Variants in KRT4 observed in about 807,000 individuals in gnomAD.
KRT4 encodes keratin, type II cytoskeletal 4.
In KRT4, 47 loss-of-function variants were observed where a neutral mutation model predicts 50.6. That is an observed-to-expected ratio of 0.93 (90% CI 0.73 to 1.18). The LOEUF (loss-of-function observed/expected upper bound fraction) is 1.18. Ranked by LOEUF, KRT4 falls within the 50% of genes most tolerant of loss-of-function variation. KRT4 has a pLI of 0.00. For synonymous variants in KRT4, 254 were observed against 251.2 expected (o/e 1.01, Z -0.10); for missense variants, 651 against 645.7 (o/e 1.01, Z -0.09).
At chr12:52,810,615 T>G in intron 3 of KRT4, 141 bp downstream of exon 3, 2 of 734,654 alleles carry the variant, frequency 2.7e-6, no homozygotes, top group Non-Finnish European at 4.9e-6. Flanking sequence ...TTACCCACTT[T>G]CCTTGACTAT....
chr12:52,808,212 T>C lies in KRT4; in HGVS notation c.1125+82A>G, dbSNP rs926497624. 8.4e-6 allele frequency: 13 copies of C among 1,551,558 alleles called. No homozygotes were observed. In the Admixed American group the frequency reaches 1.0e-4, roughly 12 times the overall value. On this transcript the variant is annotated intron_variant, in intron 6 of 8. Transcript: ENST00000551956. Reference sequence around the variant, plus strand: ...ACAAGCTCAGGGTCTTCTGGCCTGATGCTTTATCTGCTTGTCCACTCTGGA... The same window carrying C: ...ACAAGCTCAGGGTCTTCTGGCCTGACGCTTTATCTGCTTGTCCACTCTGGA...
In KRT4 at chr12:52,807,126, G is replaced by T; in HGVS notation, c.1506C>A (p.Val502=). The change falls in exon 9 of 9, where the codon GTC becomes GTA. Residue 502 remains valine, a synonymous_variant. Transcript: ENST00000551956. ...TGATCTTGCTGCTGGAACTGCCAGA[G>T]ACACTGCCACCAAACCCAAAGCCAC... ...SGSGFGFGGS[V]SGSSSSKIIS... 6.2e-7 allele frequency: 1 copy of T among 1,614,132 alleles called. No homozygotes were observed. The highest frequency in any genetic ancestry group is 8.5e-7 in the Non-Finnish European group (1 of 1,180,020).
chr12:52,808,595 A>T lies in KRT4; in HGVS notation c.999+91T>A, dbSNP rs184731758. 1.1e-5 allele frequency: 16 copies of T among 1,520,708 alleles called. No homozygotes were observed. In the African/African-American group the frequency reaches 1.8e-4, roughly 17 times the overall value. 94.2% of individuals were successfully genotyped at this position (1,520,708 alleles called of 1,614,324 possible). ...GAGAGTCTGTTCATATCTGACTTCTATTGGGCTTGAGCTAATGATCACCTG... is the reference window on the plus strand; with the variant it reads ...GAGAGTCTGTTCATATCTGACTTCTTTTGGGCTTGAGCTAATGATCACCTG... On this transcript the variant is annotated intron_variant, in intron 5 of 8. Coordinates refer to ENST00000551956, the MANE Select transcript of KRT4 (RefSeq NM_002272.4).
intron 3 of KRT4, 82 bp from the exon 4 acceptor site, chr12:52,809,560 T>TCAC: frequency 2.1e-6 from 2 of 963,828 alleles, no homozygotes; most frequent in Non-Finnish European, 3.4e-6. Flanking sequence ...CCGACAGGTG[T>TCAC]TCTCAGCAGC....
In KRT4 at chr12:52,807,128, C is replaced by T; in HGVS notation, c.1504G>A (p.Val502Ile). The T allele has an allele frequency of 1.2e-6, 2 of 1,614,170 alleles. No homozygotes were observed. Among genetic ancestry groups the T allele is most frequent in the African/African-American group, 1.3e-5 (1 of 75,028 alleles). ...SGSGFGFGGS[V>I]SGSSSSKIIS... ...ATCTTGCTGCTGGAACTGCCAGAGA[C>T]ACTGCCACCAAACCCAAAGCCACTT... is the stretch of plus-strand genomic sequence containing the variant. The change falls in exon 9 of 9, where the codon GTC becomes ATC. Residue 502 changes from valine (V) to isoleucine (I), a missense_variant. Physicochemically the swap from Val to Ile is conservative, Grantham distance 29 (BLOSUM62 3). Transcript: ENST00000551956.
intron 4 of KRT4, 80 bp downstream of exon 4, chr12:52,809,303 A>G (rs1350389356): frequency 1.8e-6 from 2 of 1,135,666 alleles, no homozygotes; most frequent in South Asian, 2.5e-5. Context: ...AGTCCTTTCA[A>G]AAAACTGTGA....
In KRT4 at chr12:52,813,768, A is replaced by G. The variant is rs768993119; in HGVS notation, c.291T>C (p.Gly97=). 3.1e-6 allele frequency: 5 copies of G among 1,614,276 alleles called. No homozygotes were observed. In the Admixed American group the frequency reaches 8.3e-5, roughly 27 times the overall value. The part of the protein sequence containing the change: ...GGFGGSFSGK[G]GPGFPVCPAG... ...CGGGGCAGACGGGGAAGCCAGGGCCACCCTTACCACTGAAGGAGCCCCCAA... is the reference window on the plus strand; with the variant it reads ...CGGGGCAGACGGGGAAGCCAGGGCCGCCCTTACCACTGAAGGAGCCCCCAA... The change falls in exon 1 of 9, where the codon GGT becomes GGC. Residue 97 remains glycine (G), a synonymous_variant. Transcript: ENST00000551956.
Position 52,807,688 on chromosome 12 carries a change from G to A in KRT4, c.1302C>T (p.Ile434=), listed in dbSNP as rs374741881. Residue 434 remains isoleucine, a synonymous_variant, in exon 7 of 9, where the codon ATC becomes ATT. Transcript: ENST00000551956. ...ELMSVKLALD[I]EIATYRKLLE... is the part of the protein sequence containing the mutation. ...GCAGTTTGCGGTAGGTGGCGATCTC[G>A]ATGTCCAAGGCCAGCTTCACACTCA... The A allele has an allele frequency of 3.0e-5, 49 of 1,613,974 alleles. No individual in the cohort carries two copies. The highest frequency in any genetic ancestry group is 3.5e-5 in the Non-Finnish European group (41 of 1,180,022).
intron 5 of KRT4, 66 bp downstream of exon 5, chr12:52,808,620 G>T: frequency 6.4e-7 from 1 of 1,568,684 alleles, no homozygotes; most frequent in Non-Finnish European, 8.8e-7. Flanking sequence ...ATGATCACCT[G>T]TTCACAGACA....
intron 7 of KRT4, 113 bp downstream of exon 7, chr12:52,807,531 G>C (rs987706820): frequency 6.7e-7 from 1 of 1,485,734 alleles, no homozygotes; most frequent in East Asian, 2.3e-5. Context: ...GAGCTGTCCT[G>C]GTTCGTAATG....
chr12:52,809,551 C>A (rs556224454), intron 3 of KRT4, 73 bp from the exon 4 acceptor site: 3 of 1,046,260 alleles, frequency 2.9e-6, no homozygotes, highest in Non-Finnish European at 3.0e-6. Flanking sequence ...TAAGTGACAC[C>A]GACAGGTGTT....
chr12:52,812,106 A>G (rs956270201), intron 1 of KRT4, 129 bp from the exon 2 acceptor site: 4 of 729,206 alleles, frequency 5.5e-6, no homozygotes, highest in African/African-American at 3.5e-5. Flanking sequence ...TAGGGCCACT[A>G]TGTTGCATCT....
chr12:52,811,019 G>C (rs998438301), intron 2 of KRT4: 7 of 572,774 alleles, frequency 1.2e-5, no homozygotes, highest in Non-Finnish European at 1.9e-5. Flanking sequence ...GGTTTATTCA[G>C]ATACATGAAA....
At chr12:52,810,691 C>T in intron 3 of KRT4, 65 bp downstream of exon 3, 2 of 1,367,534 alleles carry the variant, frequency 1.5e-6, no homozygotes, top group Admixed American at 1.7e-5. Flanking sequence ...ATGACTTCAG[C>T]CAAAGACCAC....
Position 52,812,426 on chromosome 12 carries a change from G to A in KRT4, c.463-449C>T, listed in dbSNP as rs575402469. On this transcript the variant is annotated intron_variant, in intron 1 of 8. Coordinates refer to ENST00000551956, the MANE Select transcript of KRT4 (RefSeq NM_002272.4). Reference sequence around the variant, plus strand: ...AAGCTTACTTATCAATGGATCTGGCGTGTCCCTGTGAACCTGTGAACAACT... The same window carrying A: ...AAGCTTACTTATCAATGGATCTGGCATGTCCCTGTGAACCTGTGAACAACT... Among the ~76,000 whole-genome samples, 16 of 152,278 alleles carry A rather than the reference G, an allele frequency of 1.1e-4. No individual in the cohort carries two copies. The East Asian group carries it at 1.9e-3, about 18-fold the overall frequency.
At position 52,806,876 on chromosome 12, in the gene KRT4, C is replaced by A; in HGVS notation, c.*193G>T. ...CCAGGCCCAAATCAAGAAGTAGCTA[C>A]CAAACTCCAAGAGGCAGAGTCCCTG... On this transcript the variant is annotated 3_prime_UTR_variant, in exon 9 of 9. Transcript: ENST00000551956. 1.5e-6 allele frequency: 1 copy of A among 674,902 alleles called. No homozygotes were observed. The highest frequency in any genetic ancestry group is 2.6e-6 in the Non-Finnish European group (1 of 385,822). The allele number at this position is 674,902 out of a possible 1,614,324, so 41.8% of individuals were successfully genotyped here.
chr12:52,807,800 G>A lies in KRT4; in HGVS notation c.1190C>T (p.Ala397Val), dbSNP rs752058246. The A allele has an allele frequency of 6.2e-7, 1 of 1,614,062 alleles. No individual in the cohort carries two copies. The highest frequency in any genetic ancestry group is 1.3e-5 in the African/African-American group (1 of 74,934). ...CTCCAGCTCTACGCGCTTGCTGTGG[G>A]CATCTTTAAGGGCATTCTCACCTCG... is the stretch of plus-strand genomic sequence containing the variant. ...EQRGENALKD[A>V]HSKRVELEAA... Residue 397 changes from alanine (A) to valine (V), a missense_variant, in exon 7 of 9, where the codon GCC becomes GTC. Coordinates refer to ENST00000551956, the MANE Select transcript of KRT4 (RefSeq NM_002272.4).
chr12:52,810,790 G>A lies in KRT4; in HGVS notation c.704C>T (p.Thr235Ile), dbSNP rs1330392035. ...GACCACAAAGTCATTCTCGGCTGCTGTGCGTTTGTTGATCTCCTCTTCATA... is the reference window on the plus strand; with the variant it reads ...GACCACAAAGTCATTCTCGGCTGCTATGCGTTTGTTGATCTCCTCTTCATA... The part of the protein sequence containing the change: ...TKYEEEINKR[T>I]AAENDFVVLK... Residue 235 changes from threonine (T) to isoleucine (I), a missense_variant, in exon 3 of 9, where the codon ACA (threonine) becomes ATA (isoleucine). By Grantham distance (89) the Thr-to-Ile change is moderately conservative (BLOSUM62 -1). Coordinates refer to ENST00000551956, the MANE Select transcript of KRT4 (RefSeq NM_002272.4). 23 of 1,614,174 alleles carry A rather than the reference G, an allele frequency of 1.4e-5. No individual in the cohort carries two copies. The highest frequency in any genetic ancestry group is 3.3e-4 in the Middle Eastern group (2 of 6,062).
Position 52,807,070 on chromosome 12 carries a change from T to A in KRT4, c.1562A>T (p.Ter521LeuextTer69). Residue 521 changes from the stop codon to leucine (L), a stop_lost, in exon 9 of 9, where the codon TAG becomes TTG. Coordinates refer to ENST00000551956, the MANE Select transcript of KRT4 (RefSeq NM_002272.4). Reference protein sequence around the residue: ...ISTTTLNKRR* With the variant: ...ISTTTLNKRRL ...TGAGCTGCAGGGACCTCGTCTCCTC[T>A]ATCGTCTCTTGTTCAGGGTGGTGGT... 1 of 1,614,104 alleles carries A rather than the reference T, an allele frequency of 6.2e-7. No homozygotes were observed. The highest frequency in any genetic ancestry group is 8.5e-7 in the Non-Finnish European group (1 of 1,180,012).
Sources: allele counts gnomAD v4.1 joint callset (sites outside exome capture counted in the v4.1 genomes callset), GRCh38; gene constraint gnomAD v4.1.1; transcripts MANE v1.5; gene names NCBI Gene and HGNC (gene_info 2026-07-23, HGNC 2026-07-21).